APPL2: variants seen among roughly 807,000 people sequenced by gnomAD.
APPL2 encodes DCC-interacting protein 13-beta.
A neutral mutation model predicts 92.7 loss-of-function variants in APPL2; 84 were observed. The ratio of observed to expected loss-of-function variants is 0.91; its 90% CI spans 0.76 to 1.09. APPL2 has a LOEUF of 1.09. Among genes scored for constraint, APPL2 ranks in the 50% least tolerant of loss-of-function variants. APPL2 has a pLI of 0.00. For synonymous variants in APPL2, 291 were observed against 291.0 expected (o/e 1.00, Z 0.00); for missense variants, 736 against 824.5 (o/e 0.89, Z 1.31).
chr12:105,198,057 T>C, intron 10 of APPL2, 104 bp from the exon 11 acceptor site: 4 of 1,173,002 alleles, frequency 3.4e-6, no homozygotes, highest in Non-Finnish European at 4.8e-6. Context: ...TTAGAAATAA[T>C]GTGTTTCTTT....
chr12:105,201,028 C>T (rs755595293), intron 9 of APPL2, among the ~76,000 whole-genome samples: 1 of 152,146 alleles, frequency 6.6e-6, no homozygotes, highest in Non-Finnish European at 1.5e-5. Flanking sequence ...CATGCCTCAG[C>T]CTCCCAAACA....
At chr12:105,188,157 G>T in intron 17 of APPL2, 116 bp downstream of exon 17, 1 of 1,195,892 alleles carries the variant, frequency 8.4e-7, no homozygotes. Flanking sequence ...AAGTAGTGGG[G>T]GCAAAAGCAA....
intron 17 of APPL2, among the ~76,000 whole-genome samples, chr12:105,178,275 A>T (rs1167251883): frequency 6.6e-6 from 1 of 152,200 alleles, no homozygotes; most frequent in Non-Finnish European, 1.5e-5. Context: ...TATACATTTT[A>T]TAGGTGAAAG....
chr12:105,184,313 T>A (rs1314481049), intron 17 of APPL2, among the ~76,000 whole-genome samples: 1 of 152,152 alleles, frequency 6.6e-6, no homozygotes, highest in Non-Finnish European at 1.5e-5. Flanking sequence ...TGGCAATGAG[T>A]TGTGATCCTT....
chr12:105,185,273 G>A (rs1886499023), intron 17 of APPL2, among the ~76,000 whole-genome samples: 2 of 152,182 alleles, frequency 1.3e-5, no homozygotes, highest in African/African-American at 4.8e-5. Context: ...GAACAGTTGG[G>A]ACTCGCTGAG....
intron 16 of APPL2, among the ~76,000 whole-genome samples, chr12:105,189,244 T>C (rs1273429533): frequency 6.6e-6 from 1 of 152,198 alleles, no homozygotes; most frequent in Non-Finnish European, 1.5e-5. Flanking sequence ...TTGCCCATGC[T>C]GGTCTTGAAC....
At position 105,175,044 on chromosome 12, in the gene APPL2, C is replaced by G. The variant is rs758081860; in HGVS notation, c.1861-596G>C. ...GACTACAGGTGTGCACCACCACACC[C>G]GGCTAATTTTTGTATTTTTAGTAGA... On this transcript the variant is annotated intron_variant, in intron 20 of 20. Coordinates refer to ENST00000258530, the MANE Select transcript of APPL2 (RefSeq NM_018171.5). Among the ~76,000 whole-genome samples, 166 of 152,060 alleles carry G rather than the reference C, an allele frequency of 1.1e-3. 1 individual carries two copies. Among genetic ancestry groups the G allele is most frequent in the Non-Finnish European group, 1.3e-3 (91 of 68,006 alleles).
intron 20 of APPL2, among the ~76,000 whole-genome samples, chr12:105,175,682 CT>C (rs1885463470): frequency 6.6e-6 from 1 of 152,216 alleles, no homozygotes; most frequent in Admixed American, 6.5e-5. Context: ...CAGGTGACGT[CT>C]GTCAATGCTG....
intron 4 of APPL2, among the ~76,000 whole-genome samples, chr12:105,215,256 C>T (rs1312415485): frequency 6.6e-6 from 1 of 152,066 alleles, no homozygotes; most frequent in East Asian, 1.9e-4. Flanking sequence ...ATGCCCTTAA[C>T]TTGTGGGATC....
chr12:105,220,030 T>G (rs891761077), intron 2 of APPL2, among the ~76,000 whole-genome samples: 1 of 152,236 alleles, frequency 6.6e-6, no homozygotes, highest in South Asian at 2.1e-4. Context: ...AAAAGCAGGT[T>G]CTAATTAATA....
At chr12:105,205,481 G>A (rs1029646988) in intron 8 of APPL2, among the ~76,000 whole-genome samples, 2 of 152,192 alleles carry the variant, frequency 1.3e-5, no homozygotes, top group African/African-American at 4.8e-5. Flanking sequence ...TCACTTAAGA[G>A]AGTCCAGGCT....
At chr12:105,227,851 A>C (rs1349060967) in intron 2 of APPL2, among the ~76,000 whole-genome samples, 1 of 152,180 alleles carries the variant, frequency 6.6e-6, no homozygotes, top group Admixed American at 6.5e-5. Context: ...TTGTTAGGGG[A>C]ATTTAAATAA....
chr12:105,189,220 G>T (rs2135937622), intron 16 of APPL2, among the ~76,000 whole-genome samples: 1 of 152,146 alleles, frequency 6.6e-6, no homozygotes, highest in African/African-American at 2.4e-5. Flanking sequence ...TGTAGAGACA[G>T]GGTTCTCACT....
chr12:105,227,244 C>T (rs1020843727), intron 2 of APPL2, among the ~76,000 whole-genome samples: 1 of 152,076 alleles, frequency 6.6e-6, no homozygotes, highest in East Asian at 1.9e-4. Flanking sequence ...TCAAGCAATC[C>T]TCCCGTCTTG....
chr12:105,184,513 C>G (rs1232646044), intron 17 of APPL2, among the ~76,000 whole-genome samples: 1 of 152,228 alleles, frequency 6.6e-6, no homozygotes, highest in African/African-American at 2.4e-5. Flanking sequence ...TCAGGCCCCT[C>G]TTCTGCAGGT....
In APPL2 at chr12:105,189,797, C is replaced by T; in HGVS notation, c.1434G>A (p.Glu478=). Reference sequence around the variant, plus strand: ...CTTCTGCTTCTGGAAATGATTCATCCTCAGTTTCACCAAAAGGGTTGGTAC... The same window carrying T: ...CTTCTGCTTCTGGAAATGATTCATCTTCAGTTTCACCAAAAGGGTTGGTAC... ...SRRTNPFGET[E]DESFPEAEDS... The change falls in exon 16 of 21, where the codon GAG becomes GAA. Residue 478 remains glutamate, a synonymous_variant. Coordinates refer to ENST00000258530, the MANE Select transcript of APPL2 (RefSeq NM_018171.5). 1 of 1,614,206 alleles carries T rather than the reference C, an allele frequency of 6.2e-7. No homozygotes were observed. Among genetic ancestry groups the T allele is most frequent in the Non-Finnish European group, 8.5e-7 (1 of 1,180,044 alleles).
chr12:105,186,736 CATAT>C (rs558004993), intron 17 of APPL2, among the ~76,000 whole-genome samples: 6 of 134,668 alleles, frequency 4.5e-5, no homozygotes, highest in South Asian at 2.4e-4. Flanking sequence ...TCATATATAT[CATAT>C]ATATATAAAC....
chr12:105,227,738 T>C (rs916343657), intron 2 of APPL2, among the ~76,000 whole-genome samples: 2 of 152,172 alleles, frequency 1.3e-5, no homozygotes, highest in African/African-American at 2.4e-5. Context: ...TGCTCTGCCA[T>C]GAATTAAATG....
At chr12:105,183,361 T>C (rs1886301487) in intron 17 of APPL2, among the ~76,000 whole-genome samples, 2 of 152,236 alleles carry the variant, frequency 1.3e-5, no homozygotes, top group African/African-American at 4.8e-5. Context: ...CTGATGGTTT[T>C]TACATTTTGG....
Sources: allele counts gnomAD v4.1 joint callset (sites outside exome capture counted in the v4.1 genomes callset), GRCh38; gene constraint gnomAD v4.1.1; transcripts MANE v1.5; gene names NCBI Gene and HGNC (gene_info 2026-07-23, HGNC 2026-07-21).